The following MYO5C variants were observed in gnomAD, a reference collection of about 807,000 sequenced individuals.
MYO5C encodes unconventional myosin-Vc.
MYO5C carries 194 observed loss-of-function variants against 235.7 expected under a neutral mutation model. That is an observed-to-expected ratio of 0.82 (90% confidence interval 0.73 to 0.93). The LOEUF (loss-of-function observed/expected upper bound fraction) is 0.93, where lower values mean the gene tolerates loss of function less well. MYO5C is among the 40% of genes least tolerant of loss of function. The pLI is 0.00. For missense variants in MYO5C, 2,038 were observed against 2,127.2 expected (o/e 0.96, Z 0.82); for synonymous variants, 707 against 754.8 (o/e 0.94, Z 1.04).
rs765503682 is a variant in MYO5C at position 52,247,538 on chromosome 15, C to G, written c.1801G>C (p.Gly601Arg). ...QENPTPPSPF[G>R]SMITVKSAKQ... ...GCAGATTTAACTGTAATCATTGAAC[C>G]AAAAGGAGAAGGAGGAGTTGGATTT... The change falls in exon 15 of 41, where the codon GGT becomes CGT. Residue 601 changes from glycine (G) to arginine (R), a missense_variant. Transcript: ENST00000261839. 16 of 1,613,912 alleles carry G rather than the reference C, an allele frequency of 9.9e-6. No homozygotes were observed. In the African/African-American group the frequency reaches 2.0e-4, roughly 20 times the overall value.
chr15:52,202,058 T>C (rs1457211275), intron 38 of MYO5C, among the ~76,000 whole-genome samples: 2 of 151,538 alleles, frequency 1.3e-5, no homozygotes, highest in African/African-American at 4.9e-5. Flanking sequence ...ATCCTAAATA[T>C]AAATATTATA....
chr15:52,209,543 G>A (rs182596761), intron 35 of MYO5C, among the ~76,000 whole-genome samples: 44 of 152,212 alleles, frequency 2.9e-4, no homozygotes, highest in African/African-American at 1.0e-3. Context: ...CAGAGGGAGG[G>A]GGACACAGAG....
chr15:52,273,468 T>C (rs1487106236), intron 5 of MYO5C, among the ~76,000 whole-genome samples: 1 of 152,222 alleles, frequency 6.6e-6, no homozygotes, highest in Non-Finnish European at 1.5e-5. Flanking sequence ...ACCCTATGTA[T>C]TGGTATCATA....
chr15:52,247,007 C>T lies in MYO5C; in HGVS notation c.1889G>A (p.Ser630Asn). Residue 630 changes from serine (S) to asparagine (N), a missense_variant, in exon 16 of 41, where the codon AGC (serine) becomes AAC (asparagine). Transcript: ENST00000261839. ...FRTTVGSKFR[S>N]SLYLLMETLN... ...GGTCTCCATGAGCAAGTACAGAGAG[C>T]TGCGGAACTAGGAAACAAAGCTAGA... 3.1e-6 allele frequency: 5 copies of T among 1,612,046 alleles called. No individual in the cohort carries two copies. Among genetic ancestry groups the T allele is most frequent in the Non-Finnish European group, 4.2e-6 (5 of 1,179,176 alleles).
chr15:52,268,478 G>A (rs980760386), intron 8 of MYO5C, among the ~76,000 whole-genome samples: 4 of 152,198 alleles, frequency 2.6e-5, no homozygotes, highest in Middle Eastern at 3.4e-3. Context: ...CAGGGGAACC[G>A]CTTGAATCGG....
At chr15:52,282,222 T>C (rs959715518) in intron 2 of MYO5C, among the ~76,000 whole-genome samples, 28 of 152,242 alleles carry the variant, frequency 1.8e-4, no homozygotes, top group Admixed American at 5.2e-4. Flanking sequence ...TGGGTGTCCA[T>C]GTCTTCTTGT....
intron 4 of MYO5C, chr15:52,277,025 C>T: frequency 2.2e-6 from 1 of 455,264 alleles, no homozygotes; most frequent in Non-Finnish European, 4.5e-6. Context: ...GCCACAGCCT[C>T]CCATGTAAAT....
In MYO5C at chr15:52,205,948, T is replaced by G; in HGVS notation, c.4405A>C (p.Ser1469Arg). 6.4e-7 allele frequency: 1 copy of G among 1,563,070 alleles called. No individual in the cohort carries two copies. The highest frequency in any genetic ancestry group is 8.6e-7 in the Non-Finnish European group (1 of 1,156,756). ...AAGCAATTCTTATTCTGCTGTGGAC[T>G]ATTATGCTTCATGAATTCCTAAAAG... is the stretch of plus-strand genomic sequence containing the variant. ...SGEEEFMKHNSPQQNKNCLNN... is the reference protein window; with the variant it reads ...SGEEEFMKHNRPQQNKNCLNN... The change falls in exon 37 of 41, where the codon AGT becomes CGT. Residue 1469 changes from serine (S) to arginine (R), a missense_variant. Ser to Arg is a moderately radical substitution (Grantham distance 110, BLOSUM62 -1). Coordinates refer to ENST00000261839, the MANE Select transcript of MYO5C (RefSeq NM_018728.4).
rs139142068 is a variant in MYO5C, at chr15:52,262,182, A to C, written c.1048-1055T>G. ...GGGCGGCAGCTTTTCAAAAAGTCAG[A>C]TGGCTTTGTCCAAATTTAACGTGTC... On this transcript the variant is annotated intron_variant, in intron 9 of 40. Coordinates refer to ENST00000261839, the MANE Select transcript of MYO5C (RefSeq NM_018728.4). Among the ~76,000 whole-genome samples the C allele has an allele frequency of 9.8e-4, 150 of 152,338 alleles. 1 individual carries two copies. Among genetic ancestry groups the C allele is most frequent in the African/African-American group, 3.5e-3 (146 of 41,566 alleles).
rs74015653 is a variant in MYO5C, at chr15:52,264,878, C to A, written c.941-582G>T. On this transcript the variant is annotated intron_variant, in intron 8 of 40. Transcript: ENST00000261839. ...CCCAGCCCCCTTCCCTGCAAAGCTG[C>A]CTCCAACTGGCTGCATGGCCTGACT... 1.5e-3 allele frequency among the ~76,000 whole-genome samples: 236 copies of A among 152,304 alleles called. 1 individual carries two copies. The highest frequency in any genetic ancestry group is 5.6e-3 in the African/African-American group (233 of 41,558).
At chr15:52,198,205 G>T (rs1014340417) in intron 38 of MYO5C, among the ~76,000 whole-genome samples, 10 of 152,000 alleles carry the variant, frequency 6.6e-5, no homozygotes, top group African/African-American at 2.4e-4. Context: ...TATGGTGGCG[G>T]ACGCCTATAA....
chr15:52,240,815 G>A (rs938237778), intron 20 of MYO5C, among the ~76,000 whole-genome samples: 1 of 152,102 alleles, frequency 6.6e-6, no homozygotes, highest in South Asian at 2.1e-4. Context: ...TACTGTTCAG[G>A]TTTTCAGCTT....
At chr15:52,219,256 T>C (rs1341596748) in intron 31 of MYO5C, among the ~76,000 whole-genome samples, 1 of 152,216 alleles carries the variant, frequency 6.6e-6, no homozygotes. Flanking sequence ...CCCACAAGGC[T>C]CTGCCAGGGC....
intron 1 of MYO5C, among the ~76,000 whole-genome samples, chr15:52,293,792 G>A (rs2037444432): frequency 6.6e-6 from 1 of 152,170 alleles, no homozygotes; most frequent in Non-Finnish European, 1.5e-5. Context: ...GGCGCTGCTG[G>A]CATACATAAC....
At chr15:52,221,507 T>G (rs867120837) in intron 29 of MYO5C, among the ~76,000 whole-genome samples, 1 of 152,144 alleles carries the variant, frequency 6.6e-6, no homozygotes, top group Non-Finnish European at 1.5e-5. Context: ...GATGTGTACA[T>G]GTATAGAAAT....
chr15:52,263,710 C>T (rs116633262), intron 9 of MYO5C, among the ~76,000 whole-genome samples: 179 of 152,286 alleles, frequency 1.2e-3, no homozygotes, highest in African/African-American at 4.2e-3. Context: ...TGCCACCCAC[C>T]ACCTTCTCAG....
At position 52,289,039 on chromosome 15, in the gene MYO5C, A is replaced by G. The variant is rs184464998; in HGVS notation, c.28-6147T>C. On this transcript the variant is annotated intron_variant, in intron 1 of 40. Coordinates refer to ENST00000261839, the MANE Select transcript of MYO5C (RefSeq NM_018728.4). Reference sequence around the variant, plus strand: ...ATGGAAGATGGGACAAGATGGGACGACATGTGTTTCCCTCCTAGAACCGCT... The same window carrying G: ...ATGGAAGATGGGACAAGATGGGACGGCATGTGTTTCCCTCCTAGAACCGCT... Among the ~76,000 whole-genome samples the G allele has an allele frequency of 2.8e-3, 433 of 152,298 alleles. 4 individuals are homozygous for G. The highest frequency in any genetic ancestry group is 3.6e-3 in the Non-Finnish European group (247 of 68,016).
chr15:52,259,615 T>TGGGAA (rs1451270714), intron 10 of MYO5C, among the ~76,000 whole-genome samples: 1 of 152,252 alleles, frequency 6.6e-6, no homozygotes, highest in East Asian at 1.9e-4. Flanking sequence ...TTTAACTGGC[T>TGGGAA]GCTCAAACAC....
intron 19 of MYO5C, among the ~76,000 whole-genome samples, chr15:52,243,829 A>C (rs1253313840): frequency 1.3e-5 from 2 of 152,088 alleles, no homozygotes; most frequent in African/African-American, 2.4e-5. Flanking sequence ...CAGCTGGTGG[A>C]CCACCCTCCC....
Sources: gnomAD v4.1 joint callset for allele counts (sites outside exome capture counted in the v4.1 genomes callset) on GRCh38, gnomAD v4.1.1 for gene constraint, MANE v1.5 for transcripts, NCBI Gene and HGNC (gene_info 2026-07-23, HGNC 2026-07-21) for gene names.